DPP10: variants seen among roughly 807,000 people sequenced by gnomAD.
DPP10 encodes dipeptidyl peptidase like 10.
DPP10 carries 33 observed loss-of-function variants against 120.9 expected under a neutral mutation model. That is an observed-to-expected ratio of 0.27 (90% CI 0.21 to 0.37). The LOEUF (loss-of-function observed/expected upper bound fraction) is 0.37, where lower values mean the gene tolerates loss of function less well. Ranked by LOEUF, DPP10 falls within the 10% of genes least tolerant of loss-of-function variation. The probability of loss-of-function intolerance (pLI) is 1.00; values close to 1 mark genes in which losing one functional copy is unlikely to be tolerated. For missense variants in DPP10, 816 were observed against 942.8 expected, an observed-to-expected ratio of 0.87 and a Z score of 1.76; for synonymous variants, 337 against 326.1, an observed-to-expected ratio of 1.03 and a Z score of -0.36.
intron 7 of DPP10, among the ~76,000 whole-genome samples, chr2:115,699,195 A>C (rs369401976): frequency 6.6e-6 from 1 of 152,276 alleles, no homozygotes; most frequent in African/African-American, 2.4e-5. Flanking sequence ...ATAGTACCAA[A>C]AATGCAAAAC....
intron 1 of DPP10, among the ~76,000 whole-genome samples, chr2:114,671,231 A>G (rs1375977657): frequency 1.3e-5 from 2 of 152,188 alleles, no homozygotes; most frequent in Admixed American, 6.5e-5. Context: ...AGGCTATACC[A>G]TCTAGATTTG....
intron 1 of DPP10, among the ~76,000 whole-genome samples, chr2:114,623,696 A>C (rs1694274516): frequency 6.6e-6 from 1 of 152,142 alleles, no homozygotes; most frequent in Admixed American, 6.6e-5. Context: ...CATTCTCCTA[A>C]GAAAAGTCAA....
intron 1 of DPP10, among the ~76,000 whole-genome samples, chr2:114,729,500 CA>C (rs1450546556): frequency 6.6e-6 from 1 of 152,186 alleles, no homozygotes; most frequent in Non-Finnish European, 1.5e-5. Flanking sequence ...AGGCCCTGGC[CA>C]AATTTCTTTC....
chr2:115,422,634 TC>T (rs2070083286), intron 3 of DPP10, among the ~76,000 whole-genome samples: 2 of 152,170 alleles, frequency 1.3e-5, no homozygotes, highest in Admixed American at 6.6e-5. Flanking sequence ...ATTTTATATT[TC>T]CAATTTACTT....
intron 19 of DPP10, among the ~76,000 whole-genome samples, chr2:115,807,695 A>G (rs1298998148): frequency 7.8e-6 from 1 of 128,786 alleles, no homozygotes; most frequent in Non-Finnish European, 1.8e-5. Context: ...TAAAAATAGA[A>G]GAGAGAAAAA....
At chr2:114,997,490 CA>C (rs1356882267) in intron 1 of DPP10, among the ~76,000 whole-genome samples, 2 of 74,768 alleles carry the variant, frequency 2.7e-5, no homozygotes, top group African/African-American at 5.1e-5. Context: ...GACTCCGTCT[CA>C]AAAAAAAAGA....
At chr2:115,137,899 A>G (rs1485132710) in intron 1 of DPP10, among the ~76,000 whole-genome samples, 1 of 152,194 alleles carries the variant, frequency 6.6e-6, no homozygotes, top group Non-Finnish European at 1.5e-5. Context: ...TATTCCCACC[A>G]GGTCACATTT....
rs112928941 is a variant in DPP10, at chr2:115,842,670, A to C, written c.*325A>C. 5 of 193,740 alleles carry C rather than the reference A, an allele frequency of 2.6e-5. No individual in the cohort carries two copies. The highest frequency in any genetic ancestry group is 1.2e-4 in the African/African-American group (5 of 43,282). 12.0% of individuals were successfully genotyped at this position (193,740 alleles called of 1,614,324 possible). Reference sequence around the variant, plus strand: ...TTCTGTAACTAGTTGCTCTCATTTTAATTTCACTGGCCACCATCATCTTTG... The same window carrying C: ...TTCTGTAACTAGTTGCTCTCATTTTCATTTCACTGGCCACCATCATCTTTG... On this transcript the variant is annotated 3_prime_UTR_variant, in exon 26 of 26. Coordinates refer to ENST00000410059, the MANE Select transcript of DPP10 (RefSeq NM_020868.6).
intron 1 of DPP10, among the ~76,000 whole-genome samples, chr2:114,543,061 A>G (rs1687077965): frequency 6.6e-6 from 1 of 152,200 alleles, no homozygotes; most frequent in African/African-American, 2.4e-5. Flanking sequence ...GACTGAGTTA[A>G]TCCTGCTAGA....
Position 114,497,316 on chromosome 2 carries a change from CATGT to C in DPP10, c.60+54481_60+54484del, listed in dbSNP as rs1558814176. Among the ~76,000 whole-genome samples, 37 of 29,428 alleles carry C rather than the reference CATGT, an allele frequency of 1.3e-3. 1 individual carries two copies. Among genetic ancestry groups the C allele is most frequent in the African/African-American group, 2.0e-3 (20 of 9,848 alleles). 19.3% of individuals were successfully genotyped at this position (29,428 alleles called of 152,430 possible). A position where few individuals can be genotyped will look rare whatever the true frequency, so the allele number is the denominator to read the frequency against. ...GTACATGTATACGTGTATACATGTA[CATGT>C]ATACGTGTATACATGTACATATACA... On this transcript the variant is annotated intron_variant, in intron 1 of 25. Coordinates refer to ENST00000410059, the MANE Select transcript of DPP10 (RefSeq NM_020868.6).
chr2:115,339,185 G>A (rs1177370650), intron 2 of DPP10, among the ~76,000 whole-genome samples: 4 of 152,060 alleles, frequency 2.6e-5, no homozygotes, highest in Non-Finnish European at 4.4e-5. Context: ...AGACTATATG[G>A]GAATCATAAA....
At chr2:114,972,993 T>C (rs796317635) in intron 1 of DPP10, among the ~76,000 whole-genome samples, 3 of 152,324 alleles carry the variant, frequency 2.0e-5, no homozygotes, top group African/African-American at 7.2e-5. Flanking sequence ...CATTTTTGCA[T>C]TGCATTTTGT....
intron 1 of DPP10, among the ~76,000 whole-genome samples, chr2:114,510,454 A>G (rs922252666): frequency 9.2e-5 from 14 of 152,088 alleles, no homozygotes; most frequent in Non-Finnish European, 2.1e-4. Flanking sequence ...AAATACAAAA[A>G]TTAGCTGGGC....
chr2:114,898,335 C>G (rs1245199773), intron 1 of DPP10, among the ~76,000 whole-genome samples: 2 of 141,710 alleles, frequency 1.4e-5, no homozygotes, highest in African/African-American at 5.2e-5. Flanking sequence ...ATATCACACT[C>G]TGGGGACTGT....
chr2:115,617,498 C>A (rs1026122743), intron 5 of DPP10, among the ~76,000 whole-genome samples: 1 of 151,350 alleles, frequency 6.6e-6, no homozygotes, highest in Non-Finnish European at 1.5e-5. Context: ...AAACTATAGA[C>A]TACATAAAGA....
chr2:114,818,985 A>G (rs1331484200), intron 1 of DPP10, among the ~76,000 whole-genome samples: 1 of 152,116 alleles, frequency 6.6e-6, no homozygotes, highest in Non-Finnish European at 1.5e-5. Context: ...ACTTGTTTTC[A>G]TTAATTGACT....
chr2:115,378,247 T>G (rs1250145210), intron 3 of DPP10, among the ~76,000 whole-genome samples: 1 of 151,696 alleles, frequency 6.6e-6, no homozygotes, highest in African/African-American at 2.4e-5. Flanking sequence ...GGTTTGTAGT[T>G]CTCCTTGAAG....
At chr2:115,267,783 A>C (rs2059522382) in intron 1 of DPP10, among the ~76,000 whole-genome samples, 2 of 152,142 alleles carry the variant, frequency 1.3e-5, no homozygotes. Context: ...ATGGCTCCCA[A>C]AGCTTCCATC....
At chr2:114,942,542 T>G (rs1697041444) in intron 1 of DPP10, among the ~76,000 whole-genome samples, 1 of 151,312 alleles carries the variant, frequency 6.6e-6, no homozygotes, top group Non-Finnish European at 1.5e-5. Context: ...TGTCTTTTGA[T>G]TACATAGATT....
Sources: allele counts gnomAD v4.1 joint callset (sites outside exome capture counted in the v4.1 genomes callset), GRCh38; gene constraint gnomAD v4.1.1; transcripts MANE v1.5; gene names NCBI Gene and HGNC (gene_info 2026-07-23, HGNC 2026-07-21).